Variants in FANCL observed in about 807,000 individuals in gnomAD.
The protein encoded by FANCL is FA complementation group L.
FANCL carries 69 observed loss-of-function variants against 59.4 expected under a neutral mutation model. That is an observed-to-expected ratio of 1.16 (90% CI 0.96 to 1.42). FANCL has a LOEUF of 1.42. Among genes scored for constraint, FANCL ranks in the 40% most tolerant of loss-of-function variants. The pLI is 0.00. For synonymous variants in FANCL, 180 were observed against 147.1 expected, an observed-to-expected ratio of 1.22 and a Z score of -1.62; for missense variants, 519 against 447.2, an observed-to-expected ratio of 1.16 and a Z score of -1.45.
intron 5 of FANCL, 52 bp from the exon 6 acceptor site, chr2:58,204,278 G>A (rs781525588): frequency 7.9e-7 from 1 of 1,259,310 alleles, no homozygotes; most frequent in African/African-American, 1.5e-5. Flanking sequence ...AGCTGGAGAG[G>A]GGAACTGGAG....
chr2:58,223,959 A>G (rs770485181), intron 4 of FANCL, among the ~76,000 whole-genome samples: 3 of 151,934 alleles, frequency 2.0e-5, no homozygotes, highest in Non-Finnish European at 4.4e-5. Context: ...AATAATTCTT[A>G]TATCTTTAGG....
chr2:58,221,543 T>C (rs1431512531), intron 5 of FANCL, among the ~76,000 whole-genome samples: 2 of 152,202 alleles, frequency 1.3e-5, no homozygotes, highest in Non-Finnish European at 2.9e-5. Flanking sequence ...TATATATATG[T>C]AAATTTAGAC....
intron 1 of FANCL, among the ~76,000 whole-genome samples, chr2:58,239,111 G>A (rs781666144): frequency 6.6e-6 from 1 of 152,080 alleles, no homozygotes; most frequent in African/African-American, 2.4e-5. Context: ...ATCATCATTT[G>A]GCAACCGTGA....
intron 8 of FANCL, 139 bp downstream of exon 8, chr2:58,165,585 C>CA (rs1259794164): frequency 1.0e-4 from 101 of 989,674 alleles, no homozygotes; most frequent in Non-Finnish European, 1.3e-4. Context: ...AATGTGTAGC[C>CA]AAAAAAAAGT....
In FANCL at chr2:58,165,803, C is replaced by T. The variant is rs758850921; in HGVS notation, c.612G>A (p.Met204Ile). Residue 204 changes from methionine to isoleucine, a missense_variant, in exon 8 of 14, where the codon ATG becomes ATA. Physicochemically the swap from Met to Ile is conservative, Grantham distance 10. Transcript: ENST00000233741. The part of the protein sequence containing the change: ...IESLKAFWDV[M>I]DEIDEKTWVL... ...CCCAGGTCTTCTCATCGATTTCATC[C>T]ATAACATCCCAGAATGCCTTTAGTG... 5.6e-6 allele frequency: 9 copies of T among 1,614,070 alleles called. No individual in the cohort carries two copies. The highest frequency in any genetic ancestry group is 6.8e-6 in the Non-Finnish European group (8 of 1,179,972).
intron 4 of FANCL, among the ~76,000 whole-genome samples, chr2:58,222,581 T>C (rs906694039): frequency 1.3e-5 from 2 of 152,064 alleles, no homozygotes; most frequent in Non-Finnish European, 2.9e-5. Flanking sequence ...AGTCGGAGTA[T>C]TATGCCATCC....
chr2:58,229,909 T>C (rs940021500), intron 2 of FANCL, 35 bp from the exon 3 acceptor site: 1 of 1,479,384 alleles, frequency 6.8e-7, no homozygotes, highest in Non-Finnish European at 9.5e-7. Context: ...GTTTATTCAT[T>C]GTTCAGAATT....
intron 7 of FANCL, among the ~76,000 whole-genome samples, chr2:58,170,053 T>A (rs1029955249): frequency 6.6e-6 from 1 of 152,016 alleles, no homozygotes; most frequent in African/African-American, 2.4e-5. Context: ...AAGATACTCC[T>A]CCAGAACAGC....
At chr2:58,180,724 T>C (rs1051286997) in intron 7 of FANCL, among the ~76,000 whole-genome samples, 2 of 151,788 alleles carry the variant, frequency 1.3e-5, no homozygotes, top group African/African-American at 2.4e-5. Context: ...TAAAATAAAA[T>C]ACAATAAAAA....
rs755890804 is a variant in FANCL at position 58,159,718 on chromosome 2, TAA to T, written c.*45_*46del. 6 of 1,612,124 alleles carry T rather than the reference TAA, an allele frequency of 3.7e-6. No individual in the cohort carries two copies. The Admixed American group carries it at 1.0e-4, about 27-fold the overall frequency. The stretch of plus-strand genomic sequence containing the variant: ...AAGATGATACCAAAATTCCTTTTGA[TAA>T]TTTTTTAAGTTTCCAGCTCTTCACC... On this transcript the variant is annotated 3_prime_UTR_variant, in exon 14 of 14. Transcript: ENST00000233741.
intron 5 of FANCL, among the ~76,000 whole-genome samples, chr2:58,211,146 C>G (rs1446492254): frequency 6.6e-6 from 1 of 152,220 alleles, no homozygotes; most frequent in East Asian, 1.9e-4. Context: ...AGGGCCCCAC[C>G]CCTGCAGCAA....
chr2:58,211,665 G>A (rs1691174836), intron 5 of FANCL, among the ~76,000 whole-genome samples: 1 of 152,100 alleles, frequency 6.6e-6, no homozygotes, highest in African/African-American at 2.4e-5. Flanking sequence ...TAGCACCCAA[G>A]TCACCTCTTC....
chr2:58,227,921 AGGAG>A (rs1693189515), intron 3 of FANCL, among the ~76,000 whole-genome samples: 1 of 151,494 alleles, frequency 6.6e-6, no homozygotes, highest in African/African-American at 2.5e-5. Context: ...GAGGAGGAGG[AGGAG>A]GAAGAGAAAA....
chr2:58,163,835 C>T (rs1685579566), intron 8 of FANCL, among the ~76,000 whole-genome samples: 1 of 151,882 alleles, frequency 6.6e-6, no homozygotes, highest in Admixed American at 6.6e-5. Context: ...AATATCAAAA[C>T]TATCACAAGT....
At chr2:58,176,935 A>C (rs1236609127) in intron 7 of FANCL, among the ~76,000 whole-genome samples, 1 of 152,100 alleles carries the variant, frequency 6.6e-6, no homozygotes, top group Non-Finnish European at 1.5e-5. Context: ...AATTTACAAG[A>C]AAAAAACAAA....
chr2:58,159,768 G>A lies in FANCL; in HGVS notation c.1125C>T (p.His375=). Residue 375 remains histidine, a synonymous_variant, in exon 14 of 14, where the codon CAC becomes CAT. Coordinates refer to ENST00000233741, the MANE Select transcript of FANCL (RefSeq NM_018062.4). ...ACCGAAATGTTGTATTCTTATTTCA[G>A]TGTTTCCTTCCAGACATTTTTAAGG... ...PITLKMSGRK[H] 1 of 1,613,056 alleles carries A rather than the reference G, an allele frequency of 6.2e-7. No homozygotes were observed. The highest frequency in any genetic ancestry group is 1.1e-5 in the South Asian group (1 of 90,998).
chr2:58,221,631 C>T (rs1176936223), intron 5 of FANCL, among the ~76,000 whole-genome samples: 1 of 152,078 alleles, frequency 6.6e-6, no homozygotes, highest in Non-Finnish European at 1.5e-5. Context: ...TCATGTGTCT[C>T]AGCATTACTC....
intron 5 of FANCL, among the ~76,000 whole-genome samples, chr2:58,214,779 C>T (rs1691541619): frequency 6.6e-6 from 1 of 152,124 alleles, no homozygotes; most frequent in Admixed American, 6.6e-5. Flanking sequence ...CCCCAAAGTA[C>T]TGGGATTACA....
Position 58,171,688 on chromosome 2 carries a change from G to A in FANCL, c.541-5814C>T, listed in dbSNP as rs184660438. 8.0e-3 allele frequency among the ~76,000 whole-genome samples: 1,219 copies of A among 152,286 alleles called. 10 individuals carry two copies. Among genetic ancestry groups the A allele is most frequent in the Admixed American group, 0.02 (307 of 15,300 alleles). On this transcript the variant is annotated intron_variant, in intron 7 of 13. Transcript: ENST00000233741. ...TCCCAGGGTGAGCGACGCAGAAGAC[G>A]GGTGATTTCTGCATTTCCATCTGAG...
Sources: allele counts gnomAD v4.1 joint callset (sites outside exome capture counted in the v4.1 genomes callset), GRCh38; gene constraint gnomAD v4.1.1; transcripts MANE v1.5; gene names NCBI Gene and HGNC (gene_info 2026-07-23, HGNC 2026-07-21).